Variants in MGAT5 observed in about 807,000 individuals in gnomAD.
MGAT5 encodes the protein alpha-1,6-mannosylglycoprotein 6-beta-N-acetylglucosaminyltransferase A.
Under a neutral mutation model 94.3 loss-of-function variants are expected in MGAT5, and 30 were observed. That is an observed-to-expected ratio of 0.32 (90% CI 0.24 to 0.43). The LOEUF (loss-of-function observed/expected upper bound fraction) is 0.43. Ranked by LOEUF, MGAT5 falls within the 20% of genes least tolerant of loss-of-function variation. The probability of loss-of-function intolerance (pLI) is 1.00; values close to 1 mark genes in which losing one functional copy is unlikely to be tolerated. For missense variants in MGAT5, 691 were observed against 905.5 expected, an observed-to-expected ratio of 0.76 and a Z score of 3.04; for synonymous variants, 310 against 322.9, an observed-to-expected ratio of 0.96 and a Z score of 0.43.
At chr2:134,225,793 C>T (rs1397779837) in intron 1 of MGAT5, among the ~76,000 whole-genome samples, 2 of 152,180 alleles carry the variant, frequency 1.3e-5, no homozygotes, top group Non-Finnish European at 2.9e-5. Flanking sequence ...CAATAAACTA[C>T]ATCTCGTGAT....
chr2:134,265,604 T>G (rs1288627596), intron 1 of MGAT5, among the ~76,000 whole-genome samples: 1 of 152,254 alleles, frequency 6.6e-6, no homozygotes, highest in African/African-American at 2.4e-5. Flanking sequence ...GTCTTCATCA[T>G]GTACAGTAAG....
At chr2:134,272,449 A>G (rs760508759) in intron 2 of MGAT5, among the ~76,000 whole-genome samples, 1 of 151,760 alleles carries the variant, frequency 6.6e-6, no homozygotes, top group Non-Finnish European at 1.5e-5. Context: ...ATGTCTTTGC[A>G]TCTCTCGGGT....
At chr2:134,327,868 C>T (rs1209110902) in intron 4 of MGAT5, among the ~76,000 whole-genome samples, 1 of 151,956 alleles carries the variant, frequency 6.6e-6, no homozygotes, top group Non-Finnish European at 1.5e-5. Flanking sequence ...GCACATTAAA[C>T]ACAAAAAAAG....
chr2:134,148,557 C>G (rs1033048036), intron 1 of MGAT5, among the ~76,000 whole-genome samples: 11 of 152,214 alleles, frequency 7.2e-5, no homozygotes, highest in African/African-American at 2.4e-4. Context: ...GCATGGCTCT[C>G]TCACCTTTCC....
chr2:134,404,037 G>T (rs987293272), intron 11 of MGAT5, among the ~76,000 whole-genome samples: 3 of 152,188 alleles, frequency 2.0e-5, no homozygotes, highest in African/African-American at 7.2e-5. Context: ...GGCCTTGAAG[G>T]GTTGGCTGGC....
intron 1 of MGAT5, among the ~76,000 whole-genome samples, chr2:134,160,454 C>T (rs534824150): frequency 3.3e-5 from 5 of 152,342 alleles, no homozygotes; most frequent in African/African-American, 1.2e-4. Flanking sequence ...TTGCAGGCCA[C>T]TGCGCCTGGC....
intron 7 of MGAT5, among the ~76,000 whole-genome samples, chr2:134,342,634 C>T (rs1573864717): frequency 6.6e-6 from 1 of 151,746 alleles, no homozygotes; most frequent in South Asian, 2.1e-4. Flanking sequence ...TGCCTGTAGT[C>T]CCATCTACTC....
intron 1 of MGAT5, among the ~76,000 whole-genome samples, chr2:134,136,320 A>G (rs1366336546): frequency 6.6e-6 from 1 of 152,208 alleles, no homozygotes; most frequent in African/African-American, 2.4e-5. Context: ...TAATACCAGC[A>G]CTTTGGGAGG....
rs143679964 is a variant in MGAT5 at position 134,387,757 on chromosome 2, A to C, written c.1381-15231A>C. On this transcript the variant is annotated intron_variant, in intron 10 of 15. Transcript: ENST00000281923. The stretch of plus-strand genomic sequence containing the variant: ...ACAAAAGAGTTTGGTGAAGGGGAAC[A>C]AAAAAAGACACGAATATTGGGAGAA... Among the ~76,000 whole-genome samples, 787 of 152,230 alleles carry C rather than the reference A, an allele frequency of 5.2e-3. 4 individuals carry two copies. Among genetic ancestry groups the C allele is most frequent in the African/African-American group, 0.018 (746 of 41,534 alleles).
At chr2:134,190,895 C>A (rs1042426598) in intron 1 of MGAT5, among the ~76,000 whole-genome samples, 1 of 151,814 alleles carries the variant, frequency 6.6e-6, no homozygotes, top group Non-Finnish European at 1.5e-5. Flanking sequence ...GTGATCTGCC[C>A]GTCTCGGCCT....
intron 1 of MGAT5, among the ~76,000 whole-genome samples, chr2:134,239,994 C>T (rs1390057882): frequency 6.6e-6 from 1 of 151,538 alleles, no homozygotes; most frequent in Non-Finnish European, 1.5e-5. Context: ...TGTAGTGTGT[C>T]GATCTAGTAA....
intron 12 of MGAT5, among the ~76,000 whole-genome samples, chr2:134,419,442 T>TGTGTGTGTGTGTGTG: frequency 7.5e-6 from 1 of 134,222 alleles, no homozygotes; most frequent in Non-Finnish European, 1.6e-5. Flanking sequence ...GCTTCAGGGT[T>TGTGTGTGTGTGTGTG]TGTGTGTGTG....
intron 11 of MGAT5, among the ~76,000 whole-genome samples, chr2:134,411,916 G>A (rs1312887019): frequency 6.6e-6 from 1 of 152,178 alleles, no homozygotes; most frequent in Non-Finnish European, 1.5e-5. Flanking sequence ...TGCCCCTGGG[G>A]GCTGAAACAG....
intron 1 of MGAT5, among the ~76,000 whole-genome samples, chr2:134,218,743 G>C (rs1465529256): frequency 2.6e-5 from 4 of 152,182 alleles, no homozygotes; most frequent in African/African-American, 9.6e-5. Context: ...CAAAGGGTAA[G>C]GATATAGACT....
intron 10 of MGAT5, among the ~76,000 whole-genome samples, chr2:134,363,002 G>A (rs1192227791): frequency 6.6e-6 from 1 of 152,254 alleles, no homozygotes; most frequent in Non-Finnish European, 1.5e-5. Flanking sequence ...GCCCTCCTGA[G>A]TTGATTTCCT....
Position 134,356,677 on chromosome 2 carries a change from C to T in MGAT5, c.1247-5598C>T, listed in dbSNP as rs558863489. ...GTTGTGGCAACTAGAGGCAAGTTTT[C>T]CCAGGGTCCTCAAAACCCTGTCGCT... On this transcript the variant is annotated intron_variant, in intron 9 of 15. Coordinates refer to ENST00000281923, the MANE Select transcript of MGAT5 (RefSeq NM_002410.5). Among the ~76,000 whole-genome samples, 53 of 152,248 alleles carry T rather than the reference C, an allele frequency of 3.5e-4. No individual in the cohort carries two copies. In the South Asian group the frequency reaches 7.1e-3, roughly 20 times the overall value.
intron 10 of MGAT5, among the ~76,000 whole-genome samples, chr2:134,393,758 GT>G (rs1388366019): frequency 4.6e-5 from 7 of 152,162 alleles, no homozygotes; most frequent in African/African-American, 1.7e-4. Context: ...CCTTGACTCT[GT>G]GCCGCCATGC....
At chr2:134,129,728 T>G (rs1198379503) in intron 1 of MGAT5, among the ~76,000 whole-genome samples, 1 of 152,166 alleles carries the variant, frequency 6.6e-6, no homozygotes, top group African/African-American at 2.4e-5. Context: ...CTGAGTACTT[T>G]TTTTACTTGT....
intron 1 of MGAT5, among the ~76,000 whole-genome samples, chr2:134,213,666 T>C (rs1373058461): frequency 6.6e-6 from 1 of 152,254 alleles, no homozygotes; most frequent in African/African-American, 2.4e-5. Context: ...GATAATTTTC[T>C]ACAATGGCTC....
Sources: gnomAD v4.1 joint callset for allele counts (sites outside exome capture counted in the v4.1 genomes callset) on GRCh38, gnomAD v4.1.1 for gene constraint, MANE v1.5 for transcripts, NCBI Gene and HGNC (gene_info 2026-07-23, HGNC 2026-07-21) for gene names.